Variants in CDH19 observed in about 807,000 individuals in gnomAD.
The protein encoded by CDH19 is cadherin-19.
In CDH19, 67 loss-of-function variants were observed where a neutral mutation model predicts 64.2. The observed-to-expected ratio is 1.04, with a 90% confidence interval of 0.86 to 1.28. CDH19 has a LOEUF of 1.28. Among genes scored for constraint, CDH19 ranks in the 50% most tolerant of loss-of-function variants. The probability of loss-of-function intolerance (pLI) is 0.00; values close to 1 mark genes in which losing one functional copy is unlikely to be tolerated. For synonymous variants in CDH19, 346 were observed against 319.3 expected (o/e 1.08, Z -0.89); for missense variants, 1,030 against 929.0 (o/e 1.11, Z -1.41).
At chr18:66,601,464 A>C (rs889767331) in intron 1 of CDH19, among the ~76,000 whole-genome samples, 7 of 151,986 alleles carry the variant, frequency 4.6e-5, no homozygotes, top group South Asian at 4.1e-4. Flanking sequence ...AGAATTAAAA[A>C]ACAGCTAAAC....
chr18:66,524,025 A>G (rs976836843), intron 9 of CDH19, among the ~76,000 whole-genome samples: 2 of 152,166 alleles, frequency 1.3e-5, no homozygotes, highest in African/African-American at 4.8e-5. Context: ...AGAGCCCAGA[A>G]CATATTGCTG....
chr18:66,600,572 T>A (rs1040487502), intron 1 of CDH19, among the ~76,000 whole-genome samples: 3 of 151,938 alleles, frequency 2.0e-5, no homozygotes, highest in African/African-American at 7.2e-5. Context: ...TTTGTATCTT[T>A]AAAAATACTT....
At chr18:66,537,089 T>C (rs1269980013) in intron 7 of CDH19, among the ~76,000 whole-genome samples, 1 of 152,000 alleles carries the variant, frequency 6.6e-6, no homozygotes, top group Non-Finnish European at 1.5e-5. Flanking sequence ...AAATCTTATA[T>C]AAACTTTAAT....
chr18:66,562,293 T>G (rs115880447), intron 3 of CDH19, among the ~76,000 whole-genome samples: 2,676 of 151,578 alleles, frequency 0.018, 75 homozygotes, highest in African/African-American at 0.062. Flanking sequence ...TGCAACTAGA[T>G]AGTCCCACCT....
intron 8 of CDH19, chr18:66,532,519 C>CACAG (rs957423260): frequency 3.1e-5 from 9 of 294,678 alleles, no homozygotes; most frequent in African/African-American, 1.6e-4. Context: ...CACACACACA[C>CACAG]AGAGAAAGAG....
intron 7 of CDH19, among the ~76,000 whole-genome samples, chr18:66,536,144 T>C (rs1259454694): frequency 6.6e-6 from 1 of 151,486 alleles, no homozygotes; most frequent in East Asian, 1.9e-4. Context: ...AGAGCAATAA[T>C]AACTAGGGTT....
At chr18:66,550,451 G>A (rs921804177) in intron 5 of CDH19, among the ~76,000 whole-genome samples, 9 of 152,106 alleles carry the variant, frequency 5.9e-5, no homozygotes, top group Non-Finnish European at 1.0e-4. Context: ...ATATGTCACC[G>A]AAAGTGGCAA....
chr18:66,568,438 A>G lies in CDH19; in HGVS notation c.468T>C (p.Ile156=), dbSNP rs1258762777. ...TACCTTCTGGAGACATCTCTGGTAC[A>G]ATGGCCTCATAAGGTTCATCTAGGA... is the stretch of plus-strand genomic sequence containing the variant. ...PKFLDEPYEA[I]VPEMSPEGTL... is the part of the protein sequence containing the mutation. The change falls in exon 3 of 12, where the codon ATT becomes ATC. Residue 156 remains isoleucine (I), a synonymous_variant. Transcript: ENST00000262150. 4.3e-6 allele frequency: 7 copies of G among 1,611,300 alleles called. No homozygotes were observed. The highest frequency in any genetic ancestry group is 5.9e-6 in the Non-Finnish European group (7 of 1,178,366).
At chr18:66,554,570 G>T (rs894789631) in intron 3 of CDH19, 46 bp from the exon 4 acceptor site, 21 of 1,562,804 alleles carry the variant, frequency 1.3e-5, no homozygotes, top group Non-Finnish European at 1.8e-5. Context: ...GTTTTATTCA[G>T]GATGAATTCA....
At chr18:66,576,680 T>A (rs1045654833) in intron 1 of CDH19, among the ~76,000 whole-genome samples, 13 of 151,558 alleles carry the variant, frequency 8.6e-5, no homozygotes, top group African/African-American at 2.9e-4. Context: ...CACACAAATC[T>A]ATAATTCAAA....
At position 66,551,080 on chromosome 18, in the gene CDH19, T is replaced by A. The variant is rs748886569; in HGVS notation, c.775+14A>T. 3.6e-6 allele frequency: 5 copies of A among 1,390,402 alleles called. No homozygotes were observed. In the East Asian group the frequency reaches 6.9e-5, roughly 19 times the overall value. 86.1% of individuals were successfully genotyped at this position (1,390,402 alleles called of 1,614,324 possible). ...TTTATAATGTAATGAAGATGTAGAA[T>A]CCTTTTTACTTACTTTCTTTAAATA... On this transcript the variant is annotated intron_variant, in intron 5 of 11. Coordinates refer to ENST00000262150, the MANE Select transcript of CDH19 (RefSeq NM_021153.4).
intron 7 of CDH19, among the ~76,000 whole-genome samples, chr18:66,536,833 T>G (rs1480780973): frequency 6.6e-6 from 1 of 151,822 alleles, no homozygotes; most frequent in Non-Finnish European, 1.5e-5. Flanking sequence ...TTTACATATA[T>G]GTAAAATACA....
intron 3 of CDH19, among the ~76,000 whole-genome samples, chr18:66,558,577 A>C (rs1184873325): frequency 2.0e-5 from 3 of 152,076 alleles, no homozygotes. Flanking sequence ...AGCAGACAGC[A>C]ATACAAAAAT....
intron 10 of CDH19, among the ~76,000 whole-genome samples, chr18:66,511,194 A>G (rs1172267934): frequency 1.0e-4 from 1 of 10,006 alleles, no homozygotes; most frequent in African/African-American, 1.1e-4. Flanking sequence ...TCAAGCTAAT[A>G]TGACTAACTA....
At position 66,544,897 on chromosome 18, in the gene CDH19, T is replaced by C; in HGVS notation, c.782A>G (p.Tyr261Cys). Residue 261 changes from tyrosine to cysteine, a missense_variant, in exon 6 of 12, where the codon TAC (tyrosine) becomes TGC (cysteine). Coordinates refer to ENST00000262150, the MANE Select transcript of CDH19 (RefSeq NM_021153.4). ...DNKPIFKESLYRLTVSESAPT... is the reference protein window; with the variant it reads ...DNKPIFKESLCRLTVSESAPT... ...TGCAGATTCAGAGACAGTCAAGCGG[T>C]ATAAACCTTTAAAAACAAAATTGGA... The C allele has an allele frequency of 6.3e-7, 1 of 1,577,058 alleles. No individual in the cohort carries two copies. Among genetic ancestry groups the C allele is most frequent in the Non-Finnish European group, 8.6e-7 (1 of 1,165,238 alleles).
At position 66,535,717 on chromosome 18, in the gene CDH19, G is replaced by T. The variant is rs1158351104; in HGVS notation, c.1215-610C>A. Reference sequence around the variant, plus strand: ...ATTTTATTACATATATAACATATTTGTAATATTTAATACATATATGCTTTA... The same window carrying T: ...ATTTTATTACATATATAACATATTTTTAATATTTAATACATATATGCTTTA... On this transcript the variant is annotated intron_variant, in intron 7 of 11. Coordinates refer to ENST00000262150, the MANE Select transcript of CDH19 (RefSeq NM_021153.4). Among the ~76,000 whole-genome samples, 4 of 145,172 alleles carry T rather than the reference G, an allele frequency of 2.8e-5. No individual in the cohort carries two copies. The East Asian group carries it at 5.9e-4, about 22-fold the overall frequency.
chr18:66,544,893 G>A lies in CDH19; in HGVS notation c.786C>T (p.Arg262=). 1 of 1,606,574 alleles carries A rather than the reference G, an allele frequency of 6.2e-7. No homozygotes were observed. The highest frequency in any genetic ancestry group is 8.5e-7 in the Non-Finnish European group (1 of 1,177,108). Residue 262 remains arginine (R), a synonymous_variant, in exon 6 of 12, where the codon CGC becomes CGT. Coordinates refer to ENST00000262150, the MANE Select transcript of CDH19 (RefSeq NM_021153.4). ...NKPIFKESLY[R]LTVSESAPTG... is the part of the protein sequence containing the mutation. ...TGGGTGCAGATTCAGAGACAGTCAA[G>A]CGGTATAAACCTTTAAAAACAAAAT...
intron 7 of CDH19, among the ~76,000 whole-genome samples, chr18:66,539,296 T>A (rs1208703762): frequency 1.3e-5 from 2 of 152,098 alleles, no homozygotes; most frequent in Admixed American, 6.6e-5. Context: ...GGCCAGGACT[T>A]CCAATATTAT....
At chr18:66,535,153 A>G (rs760916150) in intron 7 of CDH19, 46 bp from the exon 8 acceptor site, 16 of 1,235,578 alleles carry the variant, frequency 1.3e-5, no homozygotes, top group African/African-American at 4.5e-5. Flanking sequence ...TTCTATCTGC[A>G]TAACAGTGTT....
Sources: gnomAD v4.1 joint callset for allele counts (sites outside exome capture counted in the v4.1 genomes callset) on GRCh38, gnomAD v4.1.1 for gene constraint, MANE v1.5 for transcripts, NCBI Gene and HGNC (gene_info 2026-07-23, HGNC 2026-07-21) for gene names.